Variants in HNRNPA1L2 observed in about 807,000 individuals in gnomAD.
The protein encoded by HNRNPA1L2 is heterogeneous nuclear ribonucleoprotein A1 like 2, also known as heterogeneous nuclear ribonucleoprotein A1-like 2.
In HNRNPA1L2, 10 loss-of-function variants were observed where a neutral mutation model predicts 18.2. The ratio of observed to expected loss-of-function variants is 0.55; its 90% CI spans 0.34 to 0.93. The LOEUF (loss-of-function observed/expected upper bound fraction) is 0.93. Among genes scored for constraint, HNRNPA1L2 ranks in the 40% least tolerant of loss-of-function variants. HNRNPA1L2 has a pLI of 0.02. For synonymous variants in HNRNPA1L2, 124 were observed against 138.6 expected (o/e 0.89, Z 0.74); for missense variants, 308 against 394.4 (o/e 0.78, Z 1.85).
Position 52,642,501 on chromosome 13 carries a change from G to GT in HNRNPA1L2, c.10dup (p.Ser4PhefsTer21), listed in dbSNP as rs1485372723. On this transcript the variant is annotated frameshift_variant, in exon 1 of 1. Transcript: ENST00000357495. LOFTEE classifies it high-confidence loss of function. ...CTCTTCACCTTGCCGTCATGTCTAAGTCAGCGTCTCCAAAAGAGCCCGAAC... is the reference window on the plus strand; with the variant it reads ...CTCTTCACCTTGCCGTCATGTCTAAGTTCAGCGTCTCCAAAAGAGCCCGAAC... 1.2e-6 allele frequency: 2 copies of GT among 1,611,912 alleles called. No homozygotes were observed. The highest frequency in any genetic ancestry group is 2.2e-5 in the South Asian group (2 of 90,978).
chr13:52,628,612 A>G, the HNRNPA1L2 span, among the ~76,000 whole-genome samples: 11 of 152,336 alleles, frequency 7.2e-5, no homozygotes, highest in Non-Finnish European at 1.3e-4. Context: ...TACTGATTGT[A>G]CTTTCTGTTC....
the HNRNPA1L2 span, among the ~76,000 whole-genome samples, chr13:52,628,966 C>T: frequency 6.6e-6 from 1 of 152,158 alleles, no homozygotes; most frequent in East Asian, 1.9e-4. Flanking sequence ...ACCTCCACCT[C>T]CTGGGTTCAA....
the HNRNPA1L2 span, among the ~76,000 whole-genome samples, chr13:52,627,830 G>A: frequency 0.062 from 9,462 of 151,612 alleles, 355 homozygotes; most frequent in African/African-American, 0.095. Context: ...ATGAAACAAG[G>A]AATGATAAAT....
chr13:52,634,424 C>T, the HNRNPA1L2 span, among the ~76,000 whole-genome samples: 8 of 152,186 alleles, frequency 5.3e-5, no homozygotes, highest in Admixed American at 2.6e-4. Context: ...AATGATTATA[C>T]TCTAGTGAGG....
the HNRNPA1L2 span, among the ~76,000 whole-genome samples, chr13:52,623,727 G>A: frequency 6.6e-6 from 1 of 152,180 alleles, no homozygotes; most frequent in African/African-American, 2.4e-5. Flanking sequence ...TTCTTTCTTT[G>A]TATTATATAT....
At chr13:52,618,796 T>A in the HNRNPA1L2 span, among the ~76,000 whole-genome samples, 1 of 152,192 alleles carries the variant, frequency 6.6e-6, no homozygotes, top group African/African-American at 2.4e-5. Context: ...GAAGTACTGA[T>A]GAGATACTGT....
chr13:52,634,379 C>T, the HNRNPA1L2 span, among the ~76,000 whole-genome samples: 1 of 152,066 alleles, frequency 6.6e-6, no homozygotes, highest in Admixed American at 6.6e-5. Flanking sequence ...GGCAAGAAGG[C>T]ATTTAAATTT....
chr13:52,618,966 C>A, the HNRNPA1L2 span, among the ~76,000 whole-genome samples: 2 of 152,164 alleles, frequency 1.3e-5, no homozygotes, highest in Admixed American at 6.5e-5. Flanking sequence ...GAGATTCATT[C>A]CCCTGATTAC....
At chr13:52,628,546 AATAC>A in the HNRNPA1L2 span, among the ~76,000 whole-genome samples, 1 of 152,238 alleles carries the variant, frequency 6.6e-6, no homozygotes, top group African/African-American at 2.4e-5. Context: ...GCAATAAATA[AATAC>A]ATCTATCTTG....
rs1256778739 is a variant in HNRNPA1L2, at chr13:52,642,669, T to C, written c.177T>C (p.Phe59=). Reference sequence around the variant, plus strand: ...CCAAGCGCTCCAGGGGCTTTGGGTTTGTCACATATGCCACTGTGGAGGAGG... The same window carrying C: ...CCAAGCGCTCCAGGGGCTTTGGGTTCGTCACATATGCCACTGTGGAGGAGG... The part of the protein sequence containing the change: ...PNTKRSRGFG[F]VTYATVEEVD... The change falls in exon 1 of 1, where the codon TTT becomes TTC. Residue 59 remains phenylalanine (F), a synonymous_variant. Coordinates refer to ENST00000357495, the MANE Select transcript of HNRNPA1L2 (RefSeq NM_001389320.1). The C allele has an allele frequency of 2.5e-6, 4 of 1,610,616 alleles. No individual in the cohort carries two copies. Among genetic ancestry groups the C allele is most frequent in the Non-Finnish European group, 3.4e-6 (4 of 1,179,852 alleles).
the HNRNPA1L2 span, among the ~76,000 whole-genome samples, chr13:52,620,582 GACCAAAGA>G: frequency 9.9e-5 from 15 of 152,148 alleles, no homozygotes; most frequent in African/African-American, 3.6e-4. Flanking sequence ...AGTTTGGTGG[GACCAAAGA>G]ATCTGTATTT....
the HNRNPA1L2 span, among the ~76,000 whole-genome samples, chr13:52,634,502 C>T: frequency 6.6e-6 from 1 of 152,136 alleles, no homozygotes; most frequent in Non-Finnish European, 1.5e-5. Context: ...TTGCATGAGT[C>T]TAAAGAATGT....
Position 52,643,707 on chromosome 13 carries a change from T to C in HNRNPA1L2, c.*252T>C, listed in dbSNP as rs1368623925. On this transcript the variant is annotated 3_prime_UTR_variant, in exon 1 of 1. Coordinates refer to ENST00000357495, the MANE Select transcript of HNRNPA1L2 (RefSeq NM_001389320.1). The stretch of plus-strand genomic sequence containing the variant: ...AAAGCATTCCAACAAAGTGTTTTAA[T>C]GTAGATTTTTTTTTTTGCACCCATG... The C allele has an allele frequency of 1.8e-6, 1 of 563,734 alleles. No homozygotes were observed. Among genetic ancestry groups the C allele is most frequent in the Non-Finnish European group, 3.2e-6 (1 of 317,400 alleles). The allele number at this position is 563,734 out of a possible 1,614,324, so 34.9% of individuals were successfully genotyped here.
At chr13:52,617,614 G>T in the HNRNPA1L2 span, 1 of 474,192 alleles carries the variant, frequency 2.1e-6, no homozygotes. Flanking sequence ...GCCACCCTTT[G>T]TCCCCTGGAA....
At chr13:52,631,505 A>G in the HNRNPA1L2 span, among the ~76,000 whole-genome samples, 2,345 of 152,294 alleles carry the variant, frequency 0.015, 61 homozygotes, top group African/African-American at 0.053. Context: ...TCGGTTGAGA[A>G]AGAAGAATGC....
the HNRNPA1L2 span, among the ~76,000 whole-genome samples, chr13:52,619,919 CAAAAA>C: frequency 4.5e-4 from 31 of 69,146 alleles, no homozygotes; most frequent in East Asian, 2.5e-3. Context: ...GATTCCGTCT[CAAAAA>C]AAAAAAAAAA....
At chr13:52,642,312 T>G, upstream of HNRNPA1L2, 1 of 787,766 alleles carries the variant, frequency 1.3e-6, no homozygotes, top group Admixed American at 2.4e-5. Context: ...TCTTTCTTCC[T>G]GTACATACAC....
the HNRNPA1L2 span, among the ~76,000 whole-genome samples, chr13:52,635,100 G>C: frequency 6.6e-6 from 1 of 152,160 alleles, no homozygotes; most frequent in Non-Finnish European, 1.5e-5. Flanking sequence ...CCTAACAGTT[G>C]TGATAGTTAC....
upstream of HNRNPA1L2, chr13:52,642,271 G>A (rs1961682068): frequency 5.1e-6 from 3 of 590,844 alleles, no homozygotes; most frequent in Non-Finnish European, 8.7e-6. Context: ...AAGAAGGGAG[G>A]AATGAAGTAT....
Sources: gnomAD v4.1 joint callset for allele counts (sites outside exome capture counted in the v4.1 genomes callset) on GRCh38, gnomAD v4.1.1 for gene constraint, MANE v1.5 for transcripts, NCBI Gene and HGNC (gene_info 2026-07-23, HGNC 2026-07-21) for gene names.